The following FECH variants were observed in gnomAD, a reference collection of about 807,000 sequenced individuals.
The protein encoded by FECH is ferrochelatase.
A neutral mutation model predicts 56.9 loss-of-function variants in FECH; 40 were observed. The ratio of observed to expected loss-of-function variants is 0.70; its 90% CI spans 0.55 to 0.92. FECH has a LOEUF of 0.92. FECH is among the 40% of genes least tolerant of loss of function. The pLI, the probability that FECH is intolerant of heterozygous loss-of-function variation, is 0.00. For missense variants in FECH, 431 were observed against 529.1 expected, an observed-to-expected ratio of 0.81 and a Z score of 1.82; for synonymous variants, 175 against 198.6, an observed-to-expected ratio of 0.88 and a Z score of 1.00.
intron 6 of FECH, among the ~76,000 whole-genome samples, chr18:57,560,900 T>C (rs1438762303): frequency 2.0e-5 from 3 of 152,224 alleles, no homozygotes; most frequent in Non-Finnish European, 4.4e-5. Context: ...ATATTATTAA[T>C]CTTTCCAGAA....
At chr18:57,567,045 C>A (rs2051027221) in intron 4 of FECH, among the ~76,000 whole-genome samples, 1 of 151,994 alleles carries the variant, frequency 6.6e-6, no homozygotes, top group Non-Finnish European at 1.5e-5. Flanking sequence ...CAAAGTCATA[C>A]CTTGCAGGTG....
chr18:57,579,423 G>A (rs1250068402), intron 2 of FECH, among the ~76,000 whole-genome samples: 1 of 151,698 alleles, frequency 6.6e-6, no homozygotes, highest in Non-Finnish European at 1.5e-5. Flanking sequence ...GATGTTAAAG[G>A]GTGCTGTTTC....
At chr18:57,551,129 GA>G in intron 10 of FECH, 185 bp downstream of exon 10, 1 of 645,418 alleles carries the variant, frequency 1.5e-6, no homozygotes, top group Non-Finnish European at 2.7e-6. Context: ...TAGGTGGGTA[GA>G]AATCAGAAAA....
At chr18:57,562,809 A>G in intron 6 of FECH, 65 bp downstream of exon 6, 1 of 1,275,192 alleles carries the variant, frequency 7.8e-7, no homozygotes, top group Non-Finnish European at 1.1e-6. Context: ...ACAAACCCAG[A>G]AGGGATGAGA....
chr18:57,579,289 A>G (rs199877685), intron 2 of FECH, among the ~76,000 whole-genome samples: 3,786 of 141,986 alleles, frequency 0.027, 105 homozygotes, highest in East Asian at 0.038. Context: ...GTGTGTATAT[A>G]TGTGTGTGTG....
At chr18:57,560,028 C>T (rs1221498242) in intron 6 of FECH, among the ~76,000 whole-genome samples, 5 of 152,180 alleles carry the variant, frequency 3.3e-5, no homozygotes, top group South Asian at 2.1e-4. Context: ...TTTAATCATT[C>T]TCTGTCATTT....
chr18:57,557,070 C>T (rs976599512), intron 7 of FECH, among the ~76,000 whole-genome samples: 1 of 152,200 alleles, frequency 6.6e-6, no homozygotes, highest in Non-Finnish European at 1.5e-5. Context: ...TTTGGAAACA[C>T]AAGTGGCATC....
rs1277245793 is a variant in FECH at position 57,550,190 on chromosome 18, G to A, written c.*522C>T. 2 of 152,834 alleles carry A rather than the reference G, an allele frequency of 1.3e-5. No homozygotes were observed. Among genetic ancestry groups the A allele is most frequent in the Admixed American group, 1.3e-4 (2 of 15,362 alleles). The allele number at this position is 152,834 out of a possible 1,614,324, so 9.5% of individuals were successfully genotyped here. A position where few individuals can be genotyped will look rare whatever the true frequency, so the allele number is the denominator to read the frequency against. ...TCGCTGGCAAAAGCAGCCATTGCAG[G>A]TAACCAAATTGCCTCCCTAGCATTC... On this transcript the variant is annotated 3_prime_UTR_variant, in exon 11 of 11. Transcript: ENST00000262093.
At position 57,586,655 on chromosome 18, in the gene FECH, C is replaced by G. The variant is rs1160999106; in HGVS notation, c.-35G>C. 1 of 1,487,500 alleles carries G rather than the reference C, an allele frequency of 6.7e-7. No homozygotes were observed. Among genetic ancestry groups the G allele is most frequent in the African/African-American group, 1.5e-5 (1 of 68,394 alleles). 92.1% of individuals were successfully genotyped at this position (1,487,500 alleles called of 1,614,324 possible). The stretch of plus-strand genomic sequence containing the variant: ...AGCCTCGGCCCGAGTCCGGGCTCCT[C>G]CCGCGGCGGCGCGCCCAGGTGTCCG... On this transcript the variant is annotated 5_prime_UTR_variant, in exon 1 of 11. Transcript: ENST00000262093.
At chr18:57,553,530 C>T (rs1352940213) in intron 9 of FECH, among the ~76,000 whole-genome samples, 1 of 152,212 alleles carries the variant, frequency 6.6e-6, no homozygotes, top group African/African-American at 2.4e-5. Flanking sequence ...GGTCCCAACG[C>T]TTCCACACTT....
At chr18:57,555,328 G>A (rs932998824) in intron 7 of FECH, among the ~76,000 whole-genome samples, 2 of 152,192 alleles carry the variant, frequency 1.3e-5, no homozygotes, top group Non-Finnish European at 2.9e-5. Context: ...GTGTGTAGTT[G>A]ATTTCACAAC....
chr18:57,580,128 T>C lies in FECH; in HGVS notation c.139A>G (p.Thr47Ala), dbSNP rs144831860. The change falls in exon 2 of 11, where the codon ACA (threonine) becomes GCA (alanine). Residue 47 changes from threonine to alanine, a missense_variant. Physicochemically the swap from Thr to Ala is moderately conservative, Grantham distance 58 (BLOSUM62 0). Transcript: ENST00000262093. ...KSGAAAAAVT[T>A]ETAQHAQGAK... Reference sequence around the variant, plus strand: ...CCCTGGGCATGCTGGGCTGTTTCTGTGGTGACGGCCGCTGCAGCTGCACCT... The same window carrying C: ...CCCTGGGCATGCTGGGCTGTTTCTGCGGTGACGGCCGCTGCAGCTGCACCT... The C allele has an allele frequency of 3.8e-4, 606 of 1,614,076 alleles. No homozygotes were observed. The highest frequency in any genetic ancestry group is 4.9e-4 in the Non-Finnish European group (582 of 1,180,054).
intron 2 of FECH, among the ~76,000 whole-genome samples, chr18:57,574,028 G>A (rs1412720695): frequency 6.6e-6 from 1 of 152,150 alleles, no homozygotes; most frequent in East Asian, 1.9e-4. Context: ...TTTTTGAAAT[G>A]GATTCTCACT....
intron 4 of FECH, among the ~76,000 whole-genome samples, chr18:57,570,484 T>A (rs12969847): frequency 0.22 from 33,785 of 152,148 alleles, 4,027 homozygotes; most frequent in Non-Finnish European, 0.25. Context: ...GCTTGCTCAG[T>A]GATGTCAGAA....
chr18:57,556,066 C>G (rs1788006), intron 7 of FECH, among the ~76,000 whole-genome samples: 7 of 152,186 alleles, frequency 4.6e-5, no homozygotes, highest in African/African-American at 2.4e-5. Context: ...GAGGCGGAAG[C>G]TGCAGTGAGC....
At chr18:57,586,514 G>T (rs752928996) in intron 1 of FECH, 40 bp downstream of exon 1, 6 of 1,518,492 alleles carry the variant, frequency 4.0e-6, no homozygotes, top group South Asian at 3.6e-5. Flanking sequence ...GCCTTCTCAG[G>T]GATCCTGGCC....
chr18:57,580,019 G>C, intron 2 of FECH, 54 bp downstream of exon 2: 1 of 1,610,696 alleles, frequency 6.2e-7, no homozygotes, highest in East Asian at 2.2e-5. Flanking sequence ...GTGTCTATTG[G>C]TGTCTGCATC....
At chr18:57,586,431 G>GC in intron 1 of FECH, 123 bp downstream of exon 1, 1 of 1,093,404 alleles carries the variant, frequency 9.1e-7, no homozygotes, top group Non-Finnish European at 1.3e-6. Flanking sequence ...CCGGTTGCTC[G>GC]CAGCACCCCC....
rs755675064 is a variant in FECH, at chr18:57,571,547, C to A, written c.315-7G>T. ...GATGAATGGTGCCAGCTTACTAAAT[C>A]ATTTAACATACAGGTAAGTGGATTT... is the stretch of plus-strand genomic sequence containing the variant. On this transcript the variant is annotated splice_region_variant and splice_polypyrimidine_tract_variant and intron_variant, in intron 3 of 10. Transcript: ENST00000262093. The A allele has an allele frequency of 3.7e-6, 6 of 1,614,046 alleles. No individual in the cohort carries two copies. In the Admixed American group the frequency reaches 1.0e-4, roughly 27 times the overall value.
Sources: allele counts gnomAD v4.1 joint callset (sites outside exome capture counted in the v4.1 genomes callset), GRCh38; gene constraint gnomAD v4.1.1; transcripts MANE v1.5; gene names NCBI Gene and HGNC (gene_info 2026-07-23, HGNC 2026-07-21).